The following EEFSEC variants were observed in gnomAD, a reference collection of about 807,000 sequenced individuals.
The protein encoded by EEFSEC is selenocysteine-specific elongation factor.
In EEFSEC, 43 loss-of-function variants were observed where a neutral mutation model predicts 42.1. The ratio of observed to expected loss-of-function variants is 1.02; its 90% CI spans 0.80 to 1.32. EEFSEC has a LOEUF of 1.32. EEFSEC is among the 40% of genes most tolerant of loss of function. The pLI, the probability that EEFSEC is intolerant of heterozygous loss-of-function variation, is 0.00. For missense variants in EEFSEC, 745 were observed against 803.6 expected, an observed-to-expected ratio of 0.93 and a Z score of 0.88; for synonymous variants, 354 against 339.1, an observed-to-expected ratio of 1.04 and a Z score of -0.48.
At chr3:128,417,002 T>G in the EEFSEC span, among the ~76,000 whole-genome samples, 2,122 of 152,168 alleles carry the variant, frequency 0.014, 50 homozygotes, top group African/African-American at 0.049. The surrounding 1 kb of genome is among the most constrained non-coding windows in gnomAD (Gnocchi z 4.3). Flanking sequence ...TGCCTCTCAC[T>G]GTCCCAGCAG....
intron 2 of EEFSEC, among the ~76,000 whole-genome samples, chr3:128,248,513 G>C (rs1187374034): frequency 6.6e-6 from 1 of 152,238 alleles, no homozygotes; most frequent in Non-Finnish European, 1.5e-5. Context: ...GACACATTTA[G>C]ATAAGTGTTG....
At chr3:128,269,103 G>A (rs968917091) in intron 4 of EEFSEC, among the ~76,000 whole-genome samples, 9 of 152,198 alleles carry the variant, frequency 5.9e-5, no homozygotes, top group Non-Finnish European at 1.3e-4. Context: ...AGCACTGCCC[G>A]TTCCTTTCTT....
At chr3:128,380,692 G>T (rs544129796) in intron 6 of EEFSEC, among the ~76,000 whole-genome samples, 1 of 152,330 alleles carries the variant, frequency 6.6e-6, no homozygotes, top group South Asian at 2.1e-4. Context: ...AGCGGTTCTG[G>T]TTGACTCCAT....
chr3:128,420,801 A>G, the EEFSEC span, among the ~76,000 whole-genome samples: 1 of 152,056 alleles, frequency 6.6e-6, no homozygotes, highest in Non-Finnish European at 1.5e-5. Context: ...TGAGCTGGGA[A>G]ATACACACTG....
chr3:128,263,360 C>T (rs1413660266), intron 3 of EEFSEC, among the ~76,000 whole-genome samples: 1 of 152,246 alleles, frequency 6.6e-6, no homozygotes, highest in Non-Finnish European at 1.5e-5. Flanking sequence ...CCTGGCTCCG[C>T]AGAGCCAAGA....
intron 4 of EEFSEC, among the ~76,000 whole-genome samples, chr3:128,322,623 C>G (rs2067019812): frequency 2.0e-5 from 3 of 152,250 alleles, no homozygotes; most frequent in African/African-American, 7.2e-5. Context: ...ATTGCCAGAA[C>G]ATGTGAGATT....
chr3:128,315,090 T>A (rs2066930383), intron 4 of EEFSEC, among the ~76,000 whole-genome samples: 2 of 152,216 alleles, frequency 1.3e-5, no homozygotes, highest in African/African-American at 4.8e-5. Flanking sequence ...GTATTATGGC[T>A]GGGTTGTGAA....
At chr3:128,208,514 G>A (rs1020886538) in intron 1 of EEFSEC, among the ~76,000 whole-genome samples, 2 of 152,216 alleles carry the variant, frequency 1.3e-5, no homozygotes, top group Non-Finnish European at 2.9e-5. Context: ...ATGTTCAGGT[G>A]TAGTGTTAGT....
intron 2 of EEFSEC, among the ~76,000 whole-genome samples, chr3:128,255,037 A>G (rs1164490017): frequency 6.6e-6 from 1 of 152,212 alleles, no homozygotes; most frequent in African/African-American, 2.4e-5. Flanking sequence ...GGGCAATGCC[A>G]TCCCATATCA....
intron 4 of EEFSEC, among the ~76,000 whole-genome samples, chr3:128,266,973 C>T (rs1348510389): frequency 6.6e-6 from 1 of 152,136 alleles, no homozygotes; most frequent in Non-Finnish European, 1.5e-5. Flanking sequence ...CTAAGTCAGA[C>T]CTCTGGGGGC....
chr3:128,279,469 C>A (rs2066502985), intron 4 of EEFSEC, among the ~76,000 whole-genome samples: 1 of 152,182 alleles, frequency 6.6e-6, no homozygotes, highest in African/African-American at 2.4e-5. Flanking sequence ...GGCGGAGAAC[C>A]AGTGGCCTAG....
chr3:128,324,501 GGTGGTTCAATGAATGCC>G (rs1390407692), intron 4 of EEFSEC, among the ~76,000 whole-genome samples: 1 of 152,184 alleles, frequency 6.6e-6, no homozygotes, highest in Non-Finnish European at 1.5e-5. Flanking sequence ...ACAGATTTCA[GGTGGTTCAATGAATGCC>G]TTACTCCATG....
intron 1 of EEFSEC, among the ~76,000 whole-genome samples, chr3:128,195,867 TC>T (rs2065579294): frequency 6.6e-6 from 1 of 152,162 alleles, no homozygotes; most frequent in Non-Finnish European, 1.5e-5. Flanking sequence ...CTCTGGCCCT[TC>T]TCCCAAACAG....
chr3:128,270,805 T>C (rs1478566513), intron 4 of EEFSEC, among the ~76,000 whole-genome samples: 2 of 152,016 alleles, frequency 1.3e-5, no homozygotes, highest in African/African-American at 4.8e-5. Flanking sequence ...CTACCTGCAG[T>C]ATGCTCACTT....
chr3:128,343,084 G>A (rs1190142781), intron 5 of EEFSEC, among the ~76,000 whole-genome samples: 1 of 152,212 alleles, frequency 6.6e-6, no homozygotes, highest in Non-Finnish European at 1.5e-5. Flanking sequence ...GGTCTGCCCT[G>A]AGGCTTTCAA....
intron 1 of EEFSEC, among the ~76,000 whole-genome samples, chr3:128,180,625 G>A (rs1259689481): frequency 6.6e-6 from 1 of 152,242 alleles, no homozygotes; most frequent in Non-Finnish European, 1.5e-5. Context: ...CAGATGTGCA[G>A]TGCCATTGAG....
chr3:128,307,988 G>A (rs1426515076), intron 4 of EEFSEC, among the ~76,000 whole-genome samples: 3 of 152,226 alleles, frequency 2.0e-5, no homozygotes, highest in African/African-American at 7.2e-5. Context: ...GGTTCCCTGG[G>A]GTCACCTGGG....
intron 1 of EEFSEC, among the ~76,000 whole-genome samples, chr3:128,157,260 T>C (rs867455549): frequency 6.6e-6 from 1 of 152,224 alleles, no homozygotes; most frequent in Non-Finnish European, 1.5e-5. Context: ...TAGCAGAAGT[T>C]GGTTCATGAG....
At chr3:128,167,102 T>C (rs2065249119) in intron 1 of EEFSEC, among the ~76,000 whole-genome samples, 1 of 152,136 alleles carries the variant, frequency 6.6e-6, no homozygotes, top group South Asian at 2.1e-4. Context: ...GACTGTGCTC[T>C]CTCATGCTGC....
Sources: allele counts gnomAD v4.1 joint callset (sites outside exome capture counted in the v4.1 genomes callset), GRCh38; gene constraint gnomAD v4.1.1; non-coding constraint Gnocchi (gnomAD v3.1); transcripts MANE v1.5; gene names NCBI Gene and HGNC (gene_info 2026-07-23, HGNC 2026-07-21).